Variants in RAB2A observed in about 807,000 individuals in gnomAD.
The protein encoded by RAB2A is RAB2A, member RAS oncogene family.
In RAB2A, 7 loss-of-function variants were observed where a neutral mutation model predicts 32.5. That is an observed-to-expected ratio of 0.22 (90% confidence interval 0.12 to 0.40). The LOEUF (loss-of-function observed/expected upper bound fraction) is 0.40, where lower values mean the gene tolerates loss of function less well. RAB2A is among the 10% of genes least tolerant of loss of function. RAB2A has a pLI of 1.00. For missense variants in RAB2A, 108 were observed against 260.7 expected, an observed-to-expected ratio of 0.41 and a Z score of 4.03; for synonymous variants, 79 against 85.2, an observed-to-expected ratio of 0.93 and a Z score of 0.40.
At chr8:60,602,994 T>A (rs1164483295) in intron 6 of RAB2A, among the ~76,000 whole-genome samples, 1 of 152,160 alleles carries the variant, frequency 6.6e-6, no homozygotes, top group African/African-American at 2.4e-5. Context: ...TGAGAGCTGA[T>A]CATGTGATGG....
intron 3 of RAB2A, among the ~76,000 whole-genome samples, chr8:60,582,592 T>G (rs1803780319): frequency 6.6e-6 from 1 of 152,038 alleles, no homozygotes; most frequent in African/African-American, 2.4e-5. Context: ...TGCAATTACA[T>G]CTCCCTGCAG....
intron 6 of RAB2A, among the ~76,000 whole-genome samples, chr8:60,597,558 A>G (rs1421729050): frequency 6.6e-5 from 10 of 152,102 alleles, no homozygotes. Flanking sequence ...AAATCTGCAC[A>G]TGTATCCCAG....
chr8:60,574,779 A>C (rs1808245337), intron 3 of RAB2A, among the ~76,000 whole-genome samples: 1 of 152,160 alleles, frequency 6.6e-6, no homozygotes, highest in South Asian at 2.1e-4. Flanking sequence ...TGCAAAAGAA[A>C]TCTAAAATAA....
chr8:60,524,625 A>G (rs1807350921), intron 1 of RAB2A, among the ~76,000 whole-genome samples: 1 of 152,248 alleles, frequency 6.6e-6, no homozygotes, highest in Non-Finnish European at 1.5e-5. Context: ...TAATGCACAC[A>G]TAGTAGCCCC....
chr8:60,570,846 T>C (rs1808187862), intron 2 of RAB2A, among the ~76,000 whole-genome samples: 1 of 152,118 alleles, frequency 6.6e-6, no homozygotes, highest in Admixed American at 6.5e-5. Flanking sequence ...CTAATCACAG[T>C]TGGGGAGTTA....
intron 1 of RAB2A, among the ~76,000 whole-genome samples, chr8:60,523,649 T>A (rs1807334624): frequency 6.6e-6 from 1 of 152,158 alleles, no homozygotes; most frequent in South Asian, 2.1e-4. Context: ...ACATATCTTT[T>A]AACATCATTT....
intron 2 of RAB2A, among the ~76,000 whole-genome samples, chr8:60,570,354 C>G (rs1808179911): frequency 6.6e-6 from 1 of 152,158 alleles, no homozygotes; most frequent in South Asian, 2.1e-4. Flanking sequence ...AGCCTCTACT[C>G]TGTCTGATAC....
At chr8:60,551,260 T>A (rs1313092238) in intron 1 of RAB2A, among the ~76,000 whole-genome samples, 1 of 152,196 alleles carries the variant, frequency 6.6e-6, no homozygotes, top group African/African-American at 2.4e-5. Context: ...AAAAACAAGT[T>A]TATAGTCTTT....
In RAB2A at chr8:60,622,526, G is replaced by A. The variant is rs1344166914; in HGVS notation, c.*1757G>A. ...GTCTTACTAATCACTGTCTTTACCA[G>A]TGAGTACAAAAAGTTAAGGCAACTA... On this transcript the variant is annotated 3_prime_UTR_variant, in exon 8 of 8. Coordinates refer to ENST00000262646, the MANE Select transcript of RAB2A (RefSeq NM_002865.3). 6.6e-6 allele frequency: 1 copy of A among 152,166 alleles called. No individual in the cohort carries two copies. The highest frequency in any genetic ancestry group is 2.4e-5 in the African/African-American group (1 of 41,438). The allele number at this position is 152,166 out of a possible 1,614,324, so 9.4% of individuals were successfully genotyped here.
intron 6 of RAB2A, among the ~76,000 whole-genome samples, chr8:60,592,402 A>G (rs528305391): frequency 6.6e-6 from 1 of 152,304 alleles, no homozygotes; most frequent in African/African-American, 2.4e-5. Flanking sequence ...TGGTAGGGAA[A>G]TCTTTTTTGT....
In RAB2A at chr8:60,584,749, C is replaced by G. The variant is rs770388750; in HGVS notation, c.296C>G (p.Thr99Ser). 3.1e-6 allele frequency: 5 copies of G among 1,613,064 alleles called. No individual in the cohort carries two copies. Among genetic ancestry groups the G allele is most frequent in the South Asian group, 1.1e-5 (1 of 91,004 alleles). Residue 99 changes from threonine to serine, a missense_variant, in exon 5 of 8, where the codon ACC becomes AGC. Transcript: ENST00000262646. ...AGAGATACATTCAACCACTTGACAACCTGGTTAGAAGATGCCCGCCAGCAT... is the reference window on the plus strand; with the variant it reads ...AGAGATACATTCAACCACTTGACAAGCTGGTTAGAAGATGCCCGCCAGCAT... ...TRRDTFNHLT[T>S]WLEDARQHSN...
At chr8:60,521,076 A>G (rs973461197) in intron 1 of RAB2A, among the ~76,000 whole-genome samples, 6 of 152,230 alleles carry the variant, frequency 3.9e-5, no homozygotes, top group African/African-American at 1.4e-4. Context: ...TCAGCCTCCC[A>G]AAGTGCCAGA....
chr8:60,613,623 G>C (rs1306192199), intron 6 of RAB2A, among the ~76,000 whole-genome samples: 1 of 152,152 alleles, frequency 6.6e-6, no homozygotes, highest in African/African-American at 2.4e-5. Flanking sequence ...CCTGGTTCTA[G>C]AGCCCTCAGT....
chr8:60,592,663 T>C (rs1803961893), intron 6 of RAB2A, among the ~76,000 whole-genome samples: 1 of 152,212 alleles, frequency 6.6e-6, no homozygotes, highest in Non-Finnish European at 1.5e-5. Flanking sequence ...TTATTTCCAT[T>C]GATGAACCTG....
At position 60,567,865 on chromosome 8, in the gene RAB2A, TTTA is replaced by T. The variant is rs541504518; in HGVS notation, c.119-4177_119-4175del. On this transcript the variant is annotated intron_variant, in intron 2 of 7. Coordinates refer to ENST00000262646, the MANE Select transcript of RAB2A (RefSeq NM_002865.3). ...TAAGCCAAAATCTGTTTCTCTTAATTTTATTACTCTAATTTTTGACCAAAGTCT... is the reference window on the plus strand; with the variant it reads ...TAAGCCAAAATCTGTTTCTCTTAATTTTACTCTAATTTTTGACCAAAGTCT... Among the ~76,000 whole-genome samples, 39 of 152,228 alleles carry T rather than the reference TTTA, an allele frequency of 2.6e-4. No homozygotes were observed. The East Asian group carries it at 7.3e-3, about 29-fold the overall frequency.
chr8:60,571,906 T>C, intron 2 of RAB2A, 140 bp from the exon 3 acceptor site: 1 of 504,092 alleles, frequency 2.0e-6, no homozygotes. Context: ...ATTTTCTAAG[T>C]ATAGGAACTG....
At chr8:60,522,593 A>G (rs1420310159) in intron 1 of RAB2A, among the ~76,000 whole-genome samples, 4 of 152,184 alleles carry the variant, frequency 2.6e-5, no homozygotes, top group African/African-American at 7.2e-5. Flanking sequence ...GGAAGTTACA[A>G]GTAGAACCAT....
At chr8:60,520,474 C>T (rs962241356) in intron 1 of RAB2A, among the ~76,000 whole-genome samples, 2 of 152,186 alleles carry the variant, frequency 1.3e-5, no homozygotes, top group Admixed American at 6.5e-5. Context: ...CCATTTTAAC[C>T]TTATCACTAA....
chr8:60,568,306 T>C (rs1240452528), intron 2 of RAB2A, among the ~76,000 whole-genome samples: 1 of 152,258 alleles, frequency 6.6e-6, no homozygotes, highest in East Asian at 1.9e-4. Context: ...AGCCACATTC[T>C]GCCTCTGCAC....
Sources: allele counts gnomAD v4.1 joint callset (sites outside exome capture counted in the v4.1 genomes callset), GRCh38; gene constraint gnomAD v4.1.1; transcripts MANE v1.5; gene names NCBI Gene and HGNC (gene_info 2026-07-23, HGNC 2026-07-21).